Variants in IL1RAPL2 observed in about 807,000 individuals in gnomAD.
IL1RAPL2 encodes the protein interleukin 1 receptor accessory protein like 2, also known as X-linked interleukin-1 receptor accessory protein-like 2.
Under a neutral mutation model 44.1 loss-of-function variants are expected in IL1RAPL2, and 3 were observed. The observed-to-expected ratio is 0.07, with a 90% confidence interval of 0.03 to 0.18. The LOEUF (loss-of-function observed/expected upper bound fraction) is 0.18, where lower values mean the gene tolerates loss of function less well. Ranked by LOEUF, IL1RAPL2 falls within the 10% of genes least tolerant of loss-of-function variation. The probability of loss-of-function intolerance (pLI) is 1.00; values close to 1 mark genes in which losing one functional copy is unlikely to be tolerated. For missense variants in IL1RAPL2, 391 were observed against 496.4 expected (o/e 0.79, Z 2.02); for synonymous variants, 181 against 178.8 (o/e 1.01, Z -0.10).
chrX:104,676,805 A>C (rs1930770784), intron 2 of IL1RAPL2, among the ~76,000 whole-genome samples: 1 of 111,052 alleles, frequency 9.0e-6, no homozygotes, highest in African/African-American at 3.3e-5. Flanking sequence ...ATTTCTTTTT[A>C]TTCTTTTTTC....
chrX:105,334,473 CAAT>C (rs2035012972), intron 5 of IL1RAPL2, among the ~76,000 whole-genome samples: 3 of 110,772 alleles, frequency 2.7e-5, no homozygotes, highest in Non-Finnish European at 3.8e-5. Flanking sequence ...AGACTATAGT[CAAT>C]AATAATTTAA....
intron 5 of IL1RAPL2, among the ~76,000 whole-genome samples, chrX:105,456,500 A>T (rs1311327327): frequency 9.0e-6 from 1 of 111,211 alleles, no homozygotes; most frequent in Admixed American, 9.6e-5. Context: ...TTCCCTTAAT[A>T]CCTAGTTTAT....
intron 5 of IL1RAPL2, chrX:105,406,398 T>A: frequency 9.3e-7 from 1 of 1,070,374 alleles, no homozygotes; most frequent in Non-Finnish European, 1.3e-6. Flanking sequence ...GAAGCAAGAT[T>A]TTTTGGTATT....
chrX:104,892,152 A>T (rs1190403340), intron 2 of IL1RAPL2, among the ~76,000 whole-genome samples: 1 of 111,406 alleles, frequency 9.0e-6, no homozygotes, highest in African/African-American at 3.3e-5. Flanking sequence ...AGCCCACTTG[A>T]TCATGGTGGA....
At chrX:105,085,511 A>C (rs1341233465) in intron 2 of IL1RAPL2, among the ~76,000 whole-genome samples, 1 of 112,713 alleles carries the variant, frequency 8.9e-6, no homozygotes, top group African/African-American at 3.2e-5. Flanking sequence ...ACTATAAAAA[A>C]GGTGAAAGAT....
chrX:105,628,889 G>A (rs886445150), intron 6 of IL1RAPL2, among the ~76,000 whole-genome samples: 1 of 109,714 alleles, frequency 9.1e-6, no homozygotes, highest in South Asian at 3.9e-4. Flanking sequence ...GATGCAGTGA[G>A]CTGAGATTGT....
At chrX:105,620,479 T>A (rs188921007) in intron 6 of IL1RAPL2, among the ~76,000 whole-genome samples, 2 of 110,832 alleles carry the variant, frequency 1.8e-5, no homozygotes, top group African/African-American at 6.5e-5. Flanking sequence ...TTTATATGGC[T>A]TATCTCATTC....
chrX:104,713,599 G>GTA (rs59705641), intron 2 of IL1RAPL2, among the ~76,000 whole-genome samples: 1,179 of 107,868 alleles, frequency 0.011, 7 homozygotes, highest in African/African-American at 0.03. Flanking sequence ...CTTTTTATGT[G>GTA]TATATATATA....
chrX:104,721,062 C>T (rs1055519399), intron 2 of IL1RAPL2, among the ~76,000 whole-genome samples: 4 of 111,316 alleles, frequency 3.6e-5, no homozygotes, highest in Non-Finnish European at 7.6e-5. Flanking sequence ...GAAATAGGAA[C>T]GCTTTTACAC....
intron 6 of IL1RAPL2, among the ~76,000 whole-genome samples, chrX:105,537,594 A>G (rs983444293): frequency 3.6e-5 from 4 of 111,990 alleles, no homozygotes; most frequent in Non-Finnish European, 5.6e-5. Flanking sequence ...ACATTCAATC[A>G]ATACTGCTTG....
At chrX:105,659,300 A>G (rs773804364) in intron 6 of IL1RAPL2, among the ~76,000 whole-genome samples, 1 of 111,415 alleles carries the variant, frequency 9.0e-6, no homozygotes, top group South Asian at 3.8e-4. Context: ...TTTTGAATCC[A>G]AGATAACACA....
chrX:105,283,547 C>T (rs1332634446), intron 5 of IL1RAPL2, among the ~76,000 whole-genome samples: 1 of 110,977 alleles, frequency 9.0e-6, no homozygotes, highest in Non-Finnish European at 1.9e-5. Context: ...GACTATACTT[C>T]CTCATGATGA....
At chrX:104,821,967 G>A (rs1208618964) in intron 2 of IL1RAPL2, among the ~76,000 whole-genome samples, 2 of 112,058 alleles carry the variant, frequency 1.8e-5, no homozygotes, top group African/African-American at 6.5e-5. Context: ...TCTCATTGTG[G>A]CTTTGATTTG....
chrX:105,277,659 T>C (rs1184667875), intron 5 of IL1RAPL2, among the ~76,000 whole-genome samples: 1 of 111,623 alleles, frequency 9.0e-6, no homozygotes, highest in Non-Finnish European at 1.9e-5. Context: ...TTAATAGATA[T>C]TTCAATTCTG....
chrX:104,833,613 G>A (rs763030473), intron 2 of IL1RAPL2, among the ~76,000 whole-genome samples: 2 of 111,607 alleles, frequency 1.8e-5, no homozygotes, highest in Non-Finnish European at 3.8e-5. Context: ...CACAGAAGAG[G>A]TTTGCCCTAG....
chrX:105,003,527 G>A lies in IL1RAPL2; in HGVS notation c.83-191948G>A, dbSNP rs745934585. The stretch of plus-strand genomic sequence containing the variant: ...GTGCATGCCTCCCCCTCCCGAAACC[G>A]AGGGTTATAGAAAGATAATTACTTT... On this transcript the variant is annotated intron_variant, in intron 2 of 10. Transcript: ENST00000372582. 1.8e-4 allele frequency among the ~76,000 whole-genome samples: 20 copies of A among 110,671 alleles called. No homozygotes were observed. The South Asian group carries it at 6.5e-3, about 36-fold the overall frequency.
At chrX:105,282,229 G>C (rs2147664299) in intron 5 of IL1RAPL2, among the ~76,000 whole-genome samples, 1 of 112,104 alleles carries the variant, frequency 8.9e-6, no homozygotes, top group African/African-American at 3.2e-5. Context: ...GTGGAAATGA[G>C]TCCGGAGGAC....
intron 2 of IL1RAPL2, among the ~76,000 whole-genome samples, chrX:105,151,423 AG>A (rs1214332467): frequency 8.1e-5 from 9 of 110,885 alleles, no homozygotes; most frequent in Non-Finnish European, 1.5e-4. Flanking sequence ...AGAGAGAAAA[AG>A]GGAGGTAGAG....
At chrX:104,860,757 C>T (rs2147647104) in intron 2 of IL1RAPL2, among the ~76,000 whole-genome samples, 1 of 110,767 alleles carries the variant, frequency 9.0e-6, no homozygotes, top group East Asian at 2.8e-4. Flanking sequence ...TAGGGATGCT[C>T]AACTTGTATA....
Sources: gnomAD v4.1 joint callset for allele counts (sites outside exome capture counted in the v4.1 genomes callset) on GRCh38, gnomAD v4.1.1 for gene constraint, MANE v1.5 for transcripts, NCBI Gene and HGNC (gene_info 2026-07-23, HGNC 2026-07-21) for gene names.